Variants in KCNIP1 observed in about 807,000 individuals in gnomAD.
KCNIP1 encodes A-type potassium channel modulatory protein KCNIP1.
A neutral mutation model predicts 33.0 loss-of-function variants in KCNIP1; 18 were observed. The ratio of observed to expected loss-of-function variants is 0.55; its 90% CI spans 0.38 to 0.81. KCNIP1 has a LOEUF of 0.81. KCNIP1 is among the 30% of genes least tolerant of loss of function. KCNIP1 has a pLI of 0.00. For synonymous variants in KCNIP1, 93 were observed against 98.3 expected (o/e 0.95, Z 0.32); for missense variants, 238 against 271.6 (o/e 0.88, Z 0.87).
intron 1 of KCNIP1, among the ~76,000 whole-genome samples, chr5:170,428,273 G>C (rs1213814757): frequency 6.6e-6 from 1 of 152,206 alleles, no homozygotes; most frequent in Non-Finnish European, 1.5e-5. Flanking sequence ...TGAGGGTAAG[G>C]AACGTGACAG....
intron 1 of KCNIP1, among the ~76,000 whole-genome samples, chr5:170,540,659 C>G (rs28489778): frequency 2.6e-5 from 4 of 152,050 alleles, no homozygotes; most frequent in African/African-American, 9.7e-5. Flanking sequence ...ATGTCTGAGG[C>G]ATCTGAAATA....
At chr5:170,598,304 G>A (rs1758537190) in intron 1 of KCNIP1, among the ~76,000 whole-genome samples, 2 of 152,168 alleles carry the variant, frequency 1.3e-5, no homozygotes, top group Admixed American at 1.3e-4. Flanking sequence ...TAGATCACCA[G>A]TGGGAGTCCA....
intron 1 of KCNIP1, among the ~76,000 whole-genome samples, chr5:170,571,859 A>G (rs187776954): frequency 2.6e-5 from 4 of 152,332 alleles, no homozygotes; most frequent in African/African-American, 9.6e-5. Flanking sequence ...ATACCGAAGA[A>G]TATTCTTCAA....
intron 1 of KCNIP1, among the ~76,000 whole-genome samples, chr5:170,676,407 C>T (rs1343197977): frequency 1.3e-5 from 2 of 152,190 alleles, no homozygotes; most frequent in African/African-American, 2.4e-5. Flanking sequence ...ATGATTTTCT[C>T]TCTGAACCAT....
Position 170,725,234 on chromosome 5 carries a change from T to C in KCNIP1, c.435+2414T>C, listed in dbSNP as rs6875007. Among the ~76,000 whole-genome samples the C allele has an allele frequency of 3.0e-3, 458 of 152,336 alleles. 1 individual carries two copies. The highest frequency in any genetic ancestry group is 0.01 in the African/African-American group (434 of 41,576). On this transcript the variant is annotated intron_variant, in intron 5 of 7. Transcript: ENST00000328939. Reference sequence around the variant, plus strand: ...AGAGATATCTGCACTCCCATGTTTTTTGCAGATCTGTTCATAATAGCCAAG... The same window carrying C: ...AGAGATATCTGCACTCCCATGTTTTCTGCAGATCTGTTCATAATAGCCAAG...
intron 1 of KCNIP1, among the ~76,000 whole-genome samples, chr5:170,673,895 T>C (rs948536840): frequency 1.3e-5 from 2 of 151,704 alleles, no homozygotes; most frequent in African/African-American, 4.8e-5. Flanking sequence ...TACTACTAGG[T>C]TGGGGGTAAA....
At chr5:170,612,561 G>A (rs1316241463) in intron 1 of KCNIP1, among the ~76,000 whole-genome samples, 1 of 152,162 alleles carries the variant, frequency 6.6e-6, no homozygotes, top group Non-Finnish European at 1.5e-5. Flanking sequence ...GCTTCCCAGG[G>A]TGAGCCAGAG....
chr5:170,406,115 C>T (rs745945753), intron 1 of KCNIP1, among the ~76,000 whole-genome samples: 2 of 152,148 alleles, frequency 1.3e-5, no homozygotes, highest in Non-Finnish European at 2.9e-5. Flanking sequence ...TTTATAGTTA[C>T]TATGTTTTCC....
intron 1 of KCNIP1, among the ~76,000 whole-genome samples, chr5:170,674,101 G>A (rs1027786379): frequency 1.3e-4 from 18 of 142,956 alleles, no homozygotes; most frequent in Non-Finnish European, 1.5e-5. Context: ...CAGCATACCT[G>A]GCAATTTATT....
At chr5:170,633,024 G>T (rs978208279) in intron 1 of KCNIP1, among the ~76,000 whole-genome samples, 1 of 152,182 alleles carries the variant, frequency 6.6e-6, no homozygotes, top group Non-Finnish European at 1.5e-5. Flanking sequence ...TGAATTCCTG[G>T]GTCTCAGAGG....
intron 1 of KCNIP1, chr5:170,377,058 C>T (rs1012734311): frequency 6.6e-5 from 10 of 152,150 alleles, no homozygotes; most frequent in African/African-American, 2.4e-4. Flanking sequence ...GATTCAAACC[C>T]AAGATCTGCA....
intron 1 of KCNIP1, among the ~76,000 whole-genome samples, chr5:170,641,652 G>T (rs28558335): frequency 2.0e-5 from 3 of 152,146 alleles, no homozygotes; most frequent in African/African-American, 4.8e-5. Context: ...CTTGGTTGGG[G>T]GAGGCAAAGG....
intron 1 of KCNIP1, among the ~76,000 whole-genome samples, chr5:170,551,898 G>T (rs865837707): frequency 6.6e-5 from 10 of 151,690 alleles, no homozygotes; most frequent in African/African-American, 2.4e-4. Context: ...GTGTACGAGT[G>T]TGTGAGTGTG....
chr5:170,383,374 C>T (rs1031460028), intron 1 of KCNIP1: 11 of 594,538 alleles, frequency 1.9e-5, no homozygotes, highest in African/African-American at 1.7e-4. Flanking sequence ...TTATATACAG[C>T]GTCTCTGACT....
intron 1 of KCNIP1, among the ~76,000 whole-genome samples, chr5:170,429,991 T>C (rs1049440812): frequency 3.9e-5 from 6 of 152,174 alleles, no homozygotes; most frequent in Non-Finnish European, 5.9e-5. Context: ...GGTTTACTTA[T>C]TAGACCACAG....
chr5:170,586,247 A>G (rs1426016428), intron 1 of KCNIP1, among the ~76,000 whole-genome samples: 5 of 152,216 alleles, frequency 3.3e-5, no homozygotes, highest in African/African-American at 7.2e-5. Context: ...CTCCAAATGC[A>G]TGACTGGCCT....
intron 5 of KCNIP1, among the ~76,000 whole-genome samples, chr5:170,731,686 C>A (rs1468207202): frequency 3.7e-5 from 5 of 136,390 alleles, no homozygotes; most frequent in East Asian, 4.0e-4. Context: ...AGAGCAAGAA[C>A]CTGTCTCAAA....
intron 1 of KCNIP1, among the ~76,000 whole-genome samples, chr5:170,449,758 T>C (rs919818980): frequency 2.0e-5 from 3 of 152,140 alleles, no homozygotes; most frequent in African/African-American, 4.8e-5. Flanking sequence ...TCCTGAGCAA[T>C]GGGTCAGCTA....
At chr5:170,382,493 A>T (rs1436404349) in intron 1 of KCNIP1, among the ~76,000 whole-genome samples, 1 of 151,948 alleles carries the variant, frequency 6.6e-6, no homozygotes, top group African/African-American at 2.4e-5. Flanking sequence ...ACACCCCATC[A>T]TGGGTCATTT....
Sources: gnomAD v4.1 joint callset for allele counts (sites outside exome capture counted in the v4.1 genomes callset) on GRCh38, gnomAD v4.1.1 for gene constraint, MANE v1.5 for transcripts, NCBI Gene and HGNC (gene_info 2026-07-23, HGNC 2026-07-21) for gene names.